ABCG8: variants seen among roughly 807,000 people sequenced by gnomAD.
ABCG8 encodes ATP binding cassette subfamily G member 8.
Under a neutral mutation model 71.3 loss-of-function variants are expected in ABCG8, and 81 were observed. The ratio of observed to expected loss-of-function variants is 1.14; its 90% confidence interval spans 0.95 to 1.37. The LOEUF is 1.37. ABCG8 is among the 40% of genes most tolerant of loss of function. ABCG8 has a pLI of 0.00. For missense variants in ABCG8, 1,119 were observed against 866.2 expected, an observed-to-expected ratio of 1.29 and a Z score of -3.66; for synonymous variants, 451 against 354.7, an observed-to-expected ratio of 1.27 and a Z score of -3.05.
At chr2:43,870,167 T>A (rs1388187329) in intron 6 of ABCG8, among the ~76,000 whole-genome samples, 1 of 151,954 alleles carries the variant, frequency 6.6e-6, no homozygotes, top group African/African-American at 2.4e-5. Context: ...CTCGATAGAA[T>A]TCTCACCCTC....
chr2:43,871,372 A>G (rs1266921330), intron 6 of ABCG8, among the ~76,000 whole-genome samples: 2 of 150,942 alleles, frequency 1.3e-5, no homozygotes, highest in African/African-American at 4.9e-5. Flanking sequence ...CACTCTCTGG[A>G]TAGAACTCTC....
At chr2:43,844,713 G>T (rs4148213) in intron 2 of ABCG8, 105 bp downstream of exon 2, 1 of 830,292 alleles carries the variant, frequency 1.2e-6, no homozygotes, top group Non-Finnish European at 2.0e-6. Context: ...CCCTCTGCCC[G>T]CAAGGACAGA....
At chr2:43,870,128 A>G (rs151001691) in intron 6 of ABCG8, among the ~76,000 whole-genome samples, 1 of 150,764 alleles carries the variant, frequency 6.6e-6, no homozygotes, top group Non-Finnish European at 1.5e-5. Context: ...TAGAATTCTC[A>G]CTGTCTGGAT....
At chr2:43,854,577 A>C (rs916350724) in intron 6 of ABCG8, among the ~76,000 whole-genome samples, 10 of 143,374 alleles carry the variant, frequency 7.0e-5, no homozygotes, top group African/African-American at 2.3e-4. Flanking sequence ...CAGTGAGCTG[A>C]GATTGTGCCA....
At chr2:43,866,089 T>C (rs1291981086) in intron 6 of ABCG8, among the ~76,000 whole-genome samples, 3 of 151,988 alleles carry the variant, frequency 2.0e-5, no homozygotes, top group Non-Finnish European at 4.4e-5. Context: ...AAACAAGCAA[T>C]GGGGAAAGGA....
rs533443954 is a variant in ABCG8, at chr2:43,877,707, G to T, written c.1884+19G>T. On this transcript the variant is annotated intron_variant, in intron 12 of 12. Transcript: ENST00000272286. ...AGATAAAGTAAGCGGGGAAGGCCTC[G>T]GGTTCTAAATTATTGGACGTCCGGC... is the stretch of plus-strand genomic sequence containing the variant. 1.3e-5 allele frequency: 21 copies of T among 1,614,006 alleles called. No homozygotes were observed. In the South Asian group the frequency reaches 1.9e-4, roughly 14 times the overall value.
chr2:43,875,521 G>T (rs779518325), intron 11 of ABCG8, 108 bp downstream of exon 11: 7 of 1,412,862 alleles, frequency 5.0e-6, no homozygotes, highest in Non-Finnish European at 5.7e-6. Context: ...CCAACTCGAG[G>T]CTGGCCCTTC....
At chr2:43,856,635 A>C (rs1248347996) in intron 6 of ABCG8, among the ~76,000 whole-genome samples, 1 of 151,586 alleles carries the variant, frequency 6.6e-6, no homozygotes, top group Non-Finnish European at 1.5e-5. Context: ...CTATCCGGAT[A>C]GAATTCTCAC....
At chr2:43,846,658 G>A in intron 3 of ABCG8, 1 of 355,088 alleles carries the variant, frequency 2.8e-6, no homozygotes, top group Non-Finnish European at 5.5e-6. Context: ...AGGGGCATTG[G>A]TTCAGGTTGT....
chr2:43,851,575 G>A lies in ABCG8; in HGVS notation c.323-9G>A, dbSNP rs944536857. 3.7e-6 allele frequency: 6 copies of A among 1,614,052 alleles called. No individual in the cohort carries two copies. In the African/African-American group the frequency reaches 6.7e-5, roughly 18 times the overall value. ...TCCGCTCTCAGGGATATCCCTGGTG[G>A]CTTTGCAGGTTGTGGGAGAGCCTCC... is the stretch of plus-strand genomic sequence containing the variant. On this transcript the variant is annotated splice_polypyrimidine_tract_variant and intron_variant, in intron 3 of 12. Transcript: ENST00000272286.
chr2:43,854,558 C>T lies in ABCG8; in HGVS notation c.964+1690C>T, dbSNP rs939153038. 2.2e-4 allele frequency among the ~76,000 whole-genome samples: 30 copies of T among 137,022 alleles called. No individual in the cohort carries two copies. The Middle Eastern group carries it at 0.013, about 60-fold the overall frequency. 89.9% of individuals were successfully genotyped at this position (137,022 alleles called of 152,430 possible). On this transcript the variant is annotated intron_variant, in intron 6 of 12. Coordinates refer to ENST00000272286, the MANE Select transcript of ABCG8 (RefSeq NM_022437.3). The stretch of plus-strand genomic sequence containing the variant: ...ACGAGAATTGCTTGAACCTGAGAGG[C>T]GGAGGTTGCAGTGAGCTGAGATTGT...
At position 43,852,719 on chromosome 2, in the gene ABCG8, C is replaced by T. The variant is rs1223296273; in HGVS notation, c.815C>T (p.Pro272Leu). 6.2e-7 allele frequency: 1 copy of T among 1,614,194 alleles called. No homozygotes were observed. The highest frequency in any genetic ancestry group is 1.1e-5 in the South Asian group (1 of 91,080). The part of the protein sequence containing the change: ...NRLVLISLHQ[P>L]RSDIFRLFDL... ...CTGGTGCTCATCTCCCTCCACCAGC[C>T]TCGCTCTGACATCTTCAGGCTGTTT... The change falls in exon 6 of 13, where the codon CCT becomes CTT. Residue 272 changes from proline to leucine, a missense_variant. Transcript: ENST00000272286.
chr2:43,867,743 C>T (rs568822909), intron 6 of ABCG8, among the ~76,000 whole-genome samples: 1 of 152,162 alleles, frequency 6.6e-6, no homozygotes, highest in South Asian at 2.1e-4. Context: ...AGAATTCTCA[C>T]CCTCTGGATA....
At chr2:43,871,886 G>A (rs1461856054) in intron 6 of ABCG8, 90 bp from the exon 7 acceptor site, 13 of 1,573,718 alleles carry the variant, frequency 8.3e-6, no homozygotes, top group Non-Finnish European at 9.6e-6. Flanking sequence ...GGGGTGATCA[G>A]CATTGTGAGC....
intron 11 of ABCG8, among the ~76,000 whole-genome samples, chr2:43,875,671 G>A (rs1452700178): frequency 1.3e-5 from 2 of 152,114 alleles, no homozygotes; most frequent in Non-Finnish European, 2.9e-5. Context: ...ACATCCACCT[G>A]TGAGCCAGGT....
At chr2:43,870,291 C>T (rs987533757) in intron 6 of ABCG8, among the ~76,000 whole-genome samples, 4 of 150,256 alleles carry the variant, frequency 2.7e-5, no homozygotes, top group African/African-American at 9.9e-5. Context: ...ATAGAATTCT[C>T]ACTATCTGGA....
chr2:43,862,093 A>C (rs796233688), intron 6 of ABCG8, among the ~76,000 whole-genome samples: 4,557 of 144,682 alleles, frequency 0.031, no homozygotes, highest in Middle Eastern at 0.071. Context: ...TCTTGGTAAA[A>C]ATCTCACTAT....
chr2:43,855,864 C>T (rs1669086090), intron 6 of ABCG8, among the ~76,000 whole-genome samples: 1 of 152,030 alleles, frequency 6.6e-6, no homozygotes, highest in Non-Finnish European at 1.5e-5. Flanking sequence ...AATTCTCACT[C>T]ACTGTATAGA....
intron 6 of ABCG8, among the ~76,000 whole-genome samples, chr2:43,853,970 A>C (rs1307790990): frequency 6.6e-6 from 1 of 152,188 alleles, no homozygotes; most frequent in Non-Finnish European, 1.5e-5. Flanking sequence ...CTCAGGTGGC[A>C]GCCTGGCTTC....
Sources: gnomAD v4.1 joint callset for allele counts (sites outside exome capture counted in the v4.1 genomes callset) on GRCh38, gnomAD v4.1.1 for gene constraint, MANE v1.5 for transcripts, NCBI Gene and HGNC (gene_info 2026-07-23, HGNC 2026-07-21) for gene names.